COL9A1: variants seen among roughly 807,000 people sequenced by gnomAD.
The protein encoded by COL9A1 is collagen alpha-1(IX) chain.
In COL9A1, 104 loss-of-function variants were observed where a neutral mutation model predicts 142.6. That is an observed-to-expected ratio of 0.73 (90% CI 0.62 to 0.86). The LOEUF is 0.86. Ranked by LOEUF, COL9A1 falls within the 40% of genes least tolerant of loss-of-function variation. COL9A1 has a pLI of 0.00. For missense variants in COL9A1, 1,210 were observed against 1,176.6 expected (o/e 1.03, Z -0.42); for synonymous variants, 466 against 396.0 (o/e 1.18, Z -2.10).
chr6:70,282,803 G>A lies in COL9A1; in HGVS notation c.801+95C>T, dbSNP rs1773247085. The A allele has an allele frequency of 2.5e-6, 4 of 1,580,358 alleles. No homozygotes were observed. The East Asian group carries it at 6.7e-5, about 27-fold the overall frequency. Reference sequence around the variant, plus strand: ...GCGCGGGTCTGAGAGCCCTGGGGATGCTCCGCGCCTTTCTCACAGCTCCCT... The same window carrying A: ...GCGCGGGTCTGAGAGCCCTGGGGATACTCCGCGCCTTTCTCACAGCTCCCT... On this transcript the variant is annotated intron_variant, in intron 7 of 37. Coordinates refer to ENST00000357250, the MANE Select transcript of COL9A1 (RefSeq NM_001851.6).
intron 19 of COL9A1, among the ~76,000 whole-genome samples, chr6:70,262,101 T>C (rs911245394): frequency 3.9e-5 from 6 of 152,146 alleles, no homozygotes; most frequent in Non-Finnish European, 8.8e-5. Flanking sequence ...TTGAGAATCT[T>C]TGGGAATGGC....
At chr6:70,291,666 C>T (rs9455026) in intron 5 of COL9A1, among the ~76,000 whole-genome samples, 22,190 of 152,096 alleles carry the variant, frequency 0.15, 2,220 homozygotes, top group East Asian at 0.46. Context: ...ACTGTACAAA[C>T]TTCTCACTTT....
chr6:70,285,905 T>G (rs1451053115), intron 5 of COL9A1, among the ~76,000 whole-genome samples: 1 of 152,200 alleles, frequency 6.6e-6, no homozygotes, highest in African/African-American at 2.4e-5. Flanking sequence ...TTTTTATTTT[T>G]TTTAGATGAA....
At position 70,283,016 on chromosome 6, in the gene COL9A1, G is replaced by A. The variant is rs762713881; in HGVS notation, c.781-98C>T. On this transcript the variant is annotated intron_variant, in intron 6 of 37. Coordinates refer to ENST00000357250, the MANE Select transcript of COL9A1 (RefSeq NM_001851.6). ...CACAAGCAGAGCCCCAACAGCAGCA[G>A]CCCCAGGGCCCCGCGGTCCCGCGCA... The A allele has an allele frequency of 3.1e-6, 5 of 1,611,296 alleles. No individual in the cohort carries two copies. In the African/African-American group the frequency reaches 6.7e-5, roughly 22 times the overall value.
chr6:70,267,318 G>GTTTTTTTTTTTTTTTTTT (rs1253782694), intron 17 of COL9A1, among the ~76,000 whole-genome samples: 1 of 97,726 alleles, frequency 1.0e-5, no homozygotes. Context: ...TTGTTTGTTT[G>GTTTTTTTTTTTTTTTTTT]GTTTTTTTGT....
At chr6:70,238,942 C>T (rs776714343) in intron 33 of COL9A1, among the ~76,000 whole-genome samples, 1 of 152,154 alleles carries the variant, frequency 6.6e-6, no homozygotes, top group African/African-American at 2.4e-5. Flanking sequence ...AATTCGAGAC[C>T]AGTCTGACCA....
At chr6:70,288,816 T>C (rs1188668074) in intron 5 of COL9A1, among the ~76,000 whole-genome samples, 1 of 152,160 alleles carries the variant, frequency 6.6e-6, no homozygotes, top group African/African-American at 2.4e-5. Context: ...TCCTGCTTCA[T>C]TTTTCCCCAT....
At chr6:70,265,297 A>G (rs1037750168) in intron 18 of COL9A1, among the ~76,000 whole-genome samples, 3 of 152,102 alleles carry the variant, frequency 2.0e-5, no homozygotes, top group African/African-American at 7.2e-5. Context: ...AAATTCCCCA[A>G]AGGAAAGCAT....
intron 5 of COL9A1, among the ~76,000 whole-genome samples, chr6:70,291,272 C>A (rs548236669): frequency 1.1e-4 from 17 of 152,206 alleles, no homozygotes; most frequent in African/African-American, 3.8e-4. Flanking sequence ...AGAACTGACC[C>A]ATCTGGGAAT....
intron 36 of COL9A1, among the ~76,000 whole-genome samples, chr6:70,231,512 T>C (rs568980): frequency 0.98 from 148,706 of 152,196 alleles, 72,676 homozygotes; most frequent in Middle Eastern, 1. Flanking sequence ...GCCAGCCTTA[T>C]AAGAGGTCTC....
At chr6:70,280,739 C>T (rs1360064175) in intron 10 of COL9A1, 73 bp downstream of exon 10, 1 of 1,517,590 alleles carries the variant, frequency 6.6e-7, no homozygotes, top group East Asian at 2.4e-5. Flanking sequence ...CCCTCCCCCC[C>T]CACAAAACAC....
chr6:70,261,745 T>C (rs576392540), intron 19 of COL9A1, among the ~76,000 whole-genome samples: 36 of 152,340 alleles, frequency 2.4e-4, no homozygotes, highest in African/African-American at 8.7e-4. Flanking sequence ...CTTGTGTAGC[T>C]CATTTACTGA....
At chr6:70,241,221 T>G (rs1770235793) in intron 31 of COL9A1, among the ~76,000 whole-genome samples, 198 bp downstream of exon 31, 1 of 152,226 alleles carries the variant, frequency 6.6e-6, no homozygotes, top group Admixed American at 6.5e-5. Flanking sequence ...CAGAGCCATC[T>G]TTAGCTCCAG....
chr6:70,216,472 A>G lies in COL9A1; in HGVS notation c.*425T>C, dbSNP rs749364459. ...AACTAGTCTAGTAATCCTCTATATA[A>G]CTGAAACAATAATCTGAGAACAACT... On this transcript the variant is annotated 3_prime_UTR_variant, in exon 38 of 38. Coordinates refer to ENST00000357250, the MANE Select transcript of COL9A1 (RefSeq NM_001851.6). 26 of 218,758 alleles carry G rather than the reference A, an allele frequency of 1.2e-4. No homozygotes were observed. The highest frequency in any genetic ancestry group is 1.9e-3 in the Middle Eastern group (1 of 534). The allele number at this position is 218,758 out of a possible 1,614,324, so 13.6% of individuals were successfully genotyped here.
chr6:70,247,309 C>T (rs1200780222), intron 28 of COL9A1, among the ~76,000 whole-genome samples: 1 of 152,256 alleles, frequency 6.6e-6, no homozygotes, highest in South Asian at 2.1e-4. Flanking sequence ...GGAGGTTTTC[C>T]TTTTAAAATG....
intron 33 of COL9A1, among the ~76,000 whole-genome samples, chr6:70,236,261 T>C (rs188319094): frequency 5.1e-4 from 78 of 152,306 alleles, no homozygotes; most frequent in African/African-American, 1.8e-3. Flanking sequence ...AAGTTAGATT[T>C]TTTTTTAGCT....
At position 70,220,255 on chromosome 6, in the gene COL9A1, TGA is replaced by T. The variant is rs1390586307; in HGVS notation, c.2582-3176_2582-3175del. Among the ~76,000 whole-genome samples, 9 of 152,272 alleles carry T rather than the reference TGA, an allele frequency of 5.9e-5. 1 individual carries two copies. In the South Asian group the frequency reaches 1.5e-3, roughly 25 times the overall value. On this transcript the variant is annotated intron_variant, in intron 37 of 37. Transcript: ENST00000357250. ...GAGCCCATTTTTCTCATGCATAAACTGAGAGTTAGGAAGGTCAAATAATTGTC... is the reference window on the plus strand; with the variant it reads ...GAGCCCATTTTTCTCATGCATAAACTGAGTTAGGAAGGTCAAATAATTGTC...
intron 16 of COL9A1, 135 bp downstream of exon 16, chr6:70,269,498 A>G (rs1200561807): frequency 1.5e-6 from 1 of 682,778 alleles, no homozygotes; most frequent in Non-Finnish European, 2.7e-6. Flanking sequence ...AGCGTTACAG[A>G]CTGCTCTGCC....
At chr6:70,240,797 T>A in intron 31 of COL9A1, 64 bp from the exon 32 acceptor site, 1 of 1,224,298 alleles carries the variant, frequency 8.2e-7, no homozygotes, top group Non-Finnish European at 1.2e-6. Context: ...TTTTAACCAG[T>A]AAACATTGAT....
Sources: allele counts gnomAD v4.1 joint callset (sites outside exome capture counted in the v4.1 genomes callset), GRCh38; gene constraint gnomAD v4.1.1; transcripts MANE v1.5; gene names NCBI Gene and HGNC (gene_info 2026-07-23, HGNC 2026-07-21).